Variants in PHIP observed in about 807,000 individuals in gnomAD.
PHIP encodes the protein PH-interacting protein.
PHIP carries 54 observed loss-of-function variants against 236.8 expected under a neutral mutation model. The ratio of observed to expected loss-of-function variants is 0.23; its 90% CI spans 0.18 to 0.29. The LOEUF (loss-of-function observed/expected upper bound fraction) is 0.29. Among genes scored for constraint, PHIP ranks in the 10% least tolerant of loss-of-function variants. PHIP has a pLI of 1.00. For missense variants in PHIP, 1,370 were observed against 2,190.8 expected (o/e 0.63, Z 7.48); for synonymous variants, 756 against 718.9 (o/e 1.05, Z -0.83).
rs1296485025 is a variant in PHIP at position 79,001,997 on chromosome 6, T to C, written c.1781A>G (p.Asp594Gly). 6.2e-7 allele frequency: 1 copy of C among 1,613,180 alleles called. No individual in the cohort carries two copies. Among genetic ancestry groups the C allele is most frequent in the Non-Finnish European group, 8.5e-7 (1 of 1,179,414 alleles). Reference protein sequence around the residue: ...LMPPPFLVDVDGNPHPSRYQR... With the variant: ...LMPPPFLVDVGGNPHPSRYQR... ...ATATCTTGATGGATGAGGGTTACCATCAACATCAACCAAAAAAGGGGGAGG... is the reference window on the plus strand; with the variant it reads ...ATATCTTGATGGATGAGGGTTACCACCAACATCAACCAAAAAAGGGGGAGG... Residue 594 changes from aspartate to glycine, a missense_variant, in exon 17 of 40, where the codon GAT (aspartate) becomes GGT (glycine). Transcript: ENST00000275034.
rs113427026 is a variant in PHIP, at chr6:78,962,578, C to T, written c.3535+519G>A. Among the ~76,000 whole-genome samples, 86 of 152,132 alleles carry T rather than the reference C, an allele frequency of 5.7e-4. 1 individual carries two copies. The highest frequency in any genetic ancestry group is 2.0e-3 in the African/African-American group (84 of 41,510). ...ATTGAGAGAGTGGGTTGCTACAAAC[C>T]ACCACATAATCTAGTTACTTCAGAA... is the stretch of plus-strand genomic sequence containing the variant. On this transcript the variant is annotated intron_variant, in intron 30 of 39. Transcript: ENST00000275034.
rs373298658 is a variant in PHIP, at chr6:78,997,592, T to C, written c.2023A>G (p.Ile675Val). 8.7e-6 allele frequency: 14 copies of C among 1,612,148 alleles called. No individual in the cohort carries two copies. Among genetic ancestry groups the C allele is most frequent in the African/African-American group, 2.7e-5 (2 of 74,836 alleles). ...GAATGAACCTCTGAGGTAGAACTTA[T>C]GGAGCCTAAGTGAAAAAGTTACTAT... is the stretch of plus-strand genomic sequence containing the variant. ...SNTSRLSRGS[I>V]SSTSEVHSPP... Residue 675 changes from isoleucine to valine, a missense_variant, in exon 19 of 40, where the codon ATA becomes GTA. Physicochemically the swap from Ile to Val is conservative, Grantham distance 29 (BLOSUM62 3). Transcript: ENST00000275034.
At chr6:79,038,324 T>C (rs1291053406) in intron 7 of PHIP, among the ~76,000 whole-genome samples, 1 of 152,240 alleles carries the variant, frequency 6.6e-6, no homozygotes, top group Non-Finnish European at 1.5e-5. Context: ...GCTGTATCTT[T>C]ACATGGCTCC....
intron 34 of PHIP, 74 bp downstream of exon 34, chr6:78,955,158 T>C: frequency 1.9e-6 from 2 of 1,071,070 alleles, no homozygotes; most frequent in Admixed American, 2.5e-5. Context: ...ATGCTAAGAG[T>C]AAAAAAATAA....
Position 78,947,786 on chromosome 6 carries a change from G to A in PHIP, c.4054-11C>T. On this transcript the variant is annotated splice_polypyrimidine_tract_variant and intron_variant, in intron 35 of 39. Transcript: ENST00000275034. Reference sequence around the variant, plus strand: ...GATGTCTCTGTAGTCCTAGGAGAGGGAAAACAGGTGGTGTTATGATTATTA... The same window carrying A: ...GATGTCTCTGTAGTCCTAGGAGAGGAAAAACAGGTGGTGTTATGATTATTA... 1.3e-6 allele frequency: 2 copies of A among 1,591,468 alleles called. No homozygotes were observed. The highest frequency in any genetic ancestry group is 1.7e-6 in the Non-Finnish European group (2 of 1,163,908).
Position 79,017,548 on chromosome 6 carries a change from T to A in PHIP, c.1030A>T (p.Ile344Phe). The A allele has an allele frequency of 6.2e-7, 1 of 1,612,248 alleles. No homozygotes were observed. Among genetic ancestry groups the A allele is most frequent in the South Asian group, 1.1e-5 (1 of 91,006 alleles). ...MFLATGSTDH[I>F]IRVYFFGSGQ... ...GATCCAAAAAAATAAACCCGAATAA[T>A]ATGATCTGTGCTTCCCGTCGCCAGA... is the stretch of plus-strand genomic sequence containing the variant. The change falls in exon 11 of 40, where the codon ATT (isoleucine) becomes TTT (phenylalanine). Residue 344 changes from isoleucine to phenylalanine, a missense_variant. Coordinates refer to ENST00000275034, the MANE Select transcript of PHIP (RefSeq NM_017934.7).
intron 15 of PHIP, among the ~76,000 whole-genome samples, chr6:79,014,748 G>A (rs1218814658): frequency 6.6e-6 from 1 of 151,588 alleles, no homozygotes; most frequent in African/African-American, 2.4e-5. Context: ...AATAATACGA[G>A]TATTTATTTA....
chr6:79,063,420 G>A (rs1385808618), intron 4 of PHIP, among the ~76,000 whole-genome samples: 1 of 152,158 alleles, frequency 6.6e-6, no homozygotes, highest in African/African-American at 2.4e-5. Context: ...GTTTTGGGGT[G>A]AGTTTGTTTG....
intron 23 of PHIP, among the ~76,000 whole-genome samples, chr6:78,981,523 C>A (rs1768532414): frequency 6.6e-6 from 1 of 151,938 alleles, no homozygotes; most frequent in Non-Finnish European, 1.5e-5. Context: ...AAATTAAAAC[C>A]TGCCAAATGT....
intron 25 of PHIP, 107 bp from the exon 26 acceptor site, chr6:78,970,280 T>C (rs917356212): frequency 1.2e-6 from 1 of 856,934 alleles, no homozygotes; most frequent in South Asian, 1.7e-5. Context: ...TTGATCTGGA[T>C]GGTGATGACT....
chr6:79,029,864 A>G (rs1771585851), intron 7 of PHIP, among the ~76,000 whole-genome samples: 1 of 152,186 alleles, frequency 6.6e-6, no homozygotes, highest in Non-Finnish European at 1.5e-5. Flanking sequence ...GATAAATATG[A>G]TTATTTTAAA....
chr6:79,005,215 A>G (rs1770220795), intron 15 of PHIP, among the ~76,000 whole-genome samples: 1 of 152,042 alleles, frequency 6.6e-6, no homozygotes, highest in Non-Finnish European at 1.5e-5. Context: ...AAACAGGATT[A>G]TATCTCGAGT....
rs748779449 is a variant in PHIP at position 78,997,524 on chromosome 6, A to AC, written c.2090dup (p.Val698CysfsTer12). On this transcript the variant is annotated frameshift_variant, in exon 19 of 40. Transcript: ENST00000275034. LOFTEE classifies it high-confidence loss of function. ...GTGCGTTGCTGTGCATTTGCCGTAC[A>AC]CCTTCAATTTGTCCACTACGTCTTA... The AC allele has an allele frequency of 6.2e-7, 1 of 1,614,032 alleles. No individual in the cohort carries two copies. Among genetic ancestry groups the AC allele is most frequent in the Non-Finnish European group, 8.5e-7 (1 of 1,179,926 alleles).
intron 4 of PHIP, among the ~76,000 whole-genome samples, chr6:79,077,167 C>T (rs1330236624): frequency 1.3e-5 from 2 of 152,048 alleles, no homozygotes; most frequent in African/African-American, 2.4e-5. Context: ...GGCCCCTCCT[C>T]CTCCGGCCTT....
chr6:78,961,351 G>A (rs1181249963), intron 31 of PHIP, among the ~76,000 whole-genome samples: 1 of 151,722 alleles, frequency 6.6e-6, no homozygotes, highest in Non-Finnish European at 1.5e-5. Context: ...TGTTATCTAG[G>A]AGAAAATGAA....
chr6:79,054,739 C>G lies in PHIP; in HGVS notation c.439+5739G>C, dbSNP rs114716650. Among the ~76,000 whole-genome samples, 898 of 149,858 alleles carry G rather than the reference C, an allele frequency of 6.0e-3. 4 individuals carry two copies. Among genetic ancestry groups the G allele is most frequent in the African/African-American group, 0.02 (828 of 40,946 alleles). On this transcript the variant is annotated intron_variant, in intron 6 of 39. Transcript: ENST00000275034. ...AACCTAAGAGTCTAAGAAAAAAAAA[C>G]CTTGATTGAATAAATTTAAGAAATT...
At chr6:79,027,265 TGATA>T (rs1771453635) in intron 7 of PHIP, among the ~76,000 whole-genome samples, 1 of 152,162 alleles carries the variant, frequency 6.6e-6, no homozygotes, top group South Asian at 2.1e-4. Context: ...ACTCTGCCAA[TGATA>T]CCTAAAACAC....
intron 22 of PHIP, among the ~76,000 whole-genome samples, chr6:78,983,663 C>T (rs1038357115): frequency 2.6e-5 from 4 of 152,084 alleles, no homozygotes; most frequent in Admixed American, 6.6e-5. Flanking sequence ...AGGGGAAAGA[C>T]TGTGTTTGCA....
intron 24 of PHIP, among the ~76,000 whole-genome samples, chr6:78,972,757 G>T (rs978077100): frequency 6.6e-6 from 1 of 152,246 alleles, no homozygotes; most frequent in East Asian, 1.9e-4. Flanking sequence ...CCGATGCGAT[G>T]AACTGGAAGA....
Sources: allele counts gnomAD v4.1 joint callset (sites outside exome capture counted in the v4.1 genomes callset), GRCh38; gene constraint gnomAD v4.1.1; transcripts MANE v1.5; gene names NCBI Gene and HGNC (gene_info 2026-07-23, HGNC 2026-07-21).